Variants in ALAD observed in about 807,000 individuals in gnomAD.
ALAD encodes delta-aminolevulinic acid dehydratase.
A neutral mutation model predicts 44.4 loss-of-function variants in ALAD; 20 were observed. The ratio of observed to expected loss-of-function variants is 0.45; its 90% CI spans 0.32 to 0.65. The LOEUF is 0.65. ALAD is among the 30% of genes least tolerant of loss of function. The probability of loss-of-function intolerance (pLI) is 0.05; values close to 1 mark genes in which losing one functional copy is unlikely to be tolerated. For missense variants in ALAD, 323 were observed against 445.7 expected (o/e 0.72, Z 2.48); for synonymous variants, 156 against 167.9 (o/e 0.93, Z 0.55).
chr9:113,388,415 C>A, intron 11 of ALAD, 54 bp from the exon 12 acceptor site: 1 of 1,560,640 alleles, frequency 6.4e-7, no homozygotes, highest in Non-Finnish European at 8.8e-7. Flanking sequence ...CAGCTCTGAG[C>A]ACACCTTCTG....
chr9:113,393,728 C>G, intron 1 of ALAD, 94 bp from the exon 2 acceptor site: 1 of 620,622 alleles, frequency 1.6e-6, no homozygotes, highest in South Asian at 1.9e-5. Context: ...CCTGCCTCCC[C>G]TCTCTCTAGC....
intron 11 of ALAD, 37 bp downstream of exon 11, chr9:113,388,940 T>C (rs746681065): frequency 2.5e-5 from 41 of 1,613,518 alleles, no homozygotes; most frequent in Non-Finnish European, 3.5e-5. Flanking sequence ...TCAGTCCCTG[T>C]GGCGCAGGTC....
Position 113,393,604 on chromosome 9 carries a change from G to C in ALAD, c.-45C>G, listed in dbSNP as rs561148277. 1.6e-5 allele frequency: 24 copies of C among 1,504,878 alleles called. 1 individual carries two copies. In the South Asian group the frequency reaches 2.6e-4, roughly 16 times the overall value. The allele number at this position is 1,504,878 out of a possible 1,614,324, so 93.2% of individuals were successfully genotyped here. The stretch of plus-strand genomic sequence containing the variant: ...AGGGGCATCAGTTGGTTGGAACCGA[G>C]GGCTCCTGGGGCATTGGCTGCAGGC... On this transcript the variant is annotated 5_prime_UTR_variant, in exon 2 of 12. Transcript: ENST00000409155.
chr9:113,398,795 A>G (rs911169747), intron 1 of ALAD, among the ~76,000 whole-genome samples: 2 of 152,126 alleles, frequency 1.3e-5, no homozygotes, highest in African/African-American at 4.8e-5. Context: ...GAGTCATTCC[A>G]TTGTAAGAGG....
intron 1 of ALAD, among the ~76,000 whole-genome samples, 163 bp downstream of exon 1, chr9:113,401,049 A>T (rs1343202957): frequency 6.6e-6 from 1 of 152,158 alleles, no homozygotes. Flanking sequence ...GGGATAATCC[A>T]GCCCAAACAA....
intron 1 of ALAD, among the ~76,000 whole-genome samples, chr9:113,393,931 T>TA (rs904956627): frequency 1.3e-5 from 2 of 151,388 alleles, no homozygotes; most frequent in Non-Finnish European, 2.9e-5. Flanking sequence ...AATGACTGTT[T>TA]AAAAAAAATT....
At chr9:113,392,866 G>A (rs1254274120) in intron 2 of ALAD, among the ~76,000 whole-genome samples, 1 of 134,118 alleles carries the variant, frequency 7.5e-6, no homozygotes, top group African/African-American at 2.9e-5. Flanking sequence ...CGCCCAGGCT[G>A]GAGTGAAGTG....
chr9:113,395,936 G>A (rs1827714348), intron 1 of ALAD, among the ~76,000 whole-genome samples: 1 of 152,186 alleles, frequency 6.6e-6, no homozygotes, highest in Non-Finnish European at 1.5e-5. Flanking sequence ...GCTCACGCCT[G>A]TAATCCCAGC....
chr9:113,390,139 A>C, intron 7 of ALAD, among the ~76,000 whole-genome samples: 1 of 151,964 alleles, frequency 6.6e-6, no homozygotes, highest in African/African-American at 2.4e-5. Context: ...CTCCTGCCTC[A>C]GCCTCCCCAG....
At chr9:113,394,359 G>A (rs1198696912) in intron 1 of ALAD, among the ~76,000 whole-genome samples, 1 of 149,838 alleles carries the variant, frequency 6.7e-6, no homozygotes, top group Non-Finnish European at 1.5e-5. Context: ...GCAACATGGC[G>A]AGACCCTGTA....
In ALAD at chr9:113,389,031, C is replaced by A. The variant is rs373715261; in HGVS notation, c.877G>T (p.Ala293Ser). ...AMLWHGAQAGAFDLKAAVLEA... is the reference protein window; with the variant it reads ...AMLWHGAQAGSFDLKAAVLEA... ...AGTACGGCAGCCTTGAGATCAAATG[C>A]CCCGGCCTGGGCTCCATGCCACAGC... Residue 293 changes from alanine to serine, a missense_variant, in exon 11 of 12, where the codon GCA becomes TCA. Transcript: ENST00000409155. 2.7e-5 allele frequency: 44 copies of A among 1,613,778 alleles called. No homozygotes were observed. Among genetic ancestry groups the A allele is most frequent in the Non-Finnish European group, 3.6e-5 (42 of 1,180,050 alleles).
chr9:113,389,842 A>G lies in ALAD; in HGVS notation c.571-14T>C, dbSNP rs753231528. On this transcript the variant is annotated splice_polypyrimidine_tract_variant and intron_variant, in intron 7 of 11. Transcript: ENST00000409155. ...CATCACCGATACCTATGGGGAGACA[A>G]TGGAGGTCTTGGCTTATTCGGCCCT... 5.5e-5 allele frequency: 88 copies of G among 1,614,094 alleles called. No homozygotes were observed. Among genetic ancestry groups the G allele is most frequent in the Non-Finnish European group, 6.8e-5 (80 of 1,180,040 alleles).
Position 113,395,011 on chromosome 9 carries a change from C to T in ALAD, c.-75-1377G>A, listed in dbSNP as rs551285496. ...AGGAGGTTGCAGTAAGCCGAGATAG[C>T]GCCACTTCACTCCAGCCTGGGCGAC... On this transcript the variant is annotated intron_variant, in intron 1 of 11. Transcript: ENST00000409155. 8.6e-5 allele frequency among the ~76,000 whole-genome samples: 13 copies of T among 151,746 alleles called. No homozygotes were observed. In the South Asian group the frequency reaches 2.5e-3, roughly 29 times the overall value.
intron 2 of ALAD, chr9:113,392,665 C>T (rs1340141300): frequency 5.9e-6 from 1 of 168,620 alleles, no homozygotes; most frequent in Non-Finnish European, 1.3e-5. Flanking sequence ...CCTCATGGAG[C>T]TGATGTTCTA....
Position 113,388,991 on chromosome 9 carries a change from G to T in ALAD, c.917C>A (p.Ala306Asp). The T allele has an allele frequency of 6.2e-7, 1 of 1,613,872 alleles. No individual in the cohort carries two copies. Among genetic ancestry groups the T allele is most frequent in the Non-Finnish European group, 8.5e-7 (1 of 1,180,042 alleles). Reference sequence around the variant, plus strand: ...TGCCTGCCTACCTGCTCTGCGGAAGGCAGTCATGGCCTCCAGTACGGCAGC... The same window carrying T: ...TGCCTGCCTACCTGCTCTGCGGAAGTCAGTCATGGCCTCCAGTACGGCAGC... Reference protein sequence around the residue: ...LKAAVLEAMTAFRRAGADIII... With the variant: ...LKAAVLEAMTDFRRAGADIII... Residue 306 changes from alanine to aspartate, a missense_variant, in exon 11 of 12, where the codon GCC (alanine) becomes GAC (aspartate). By Grantham distance (126) the Ala-to-Asp change is moderately radical (BLOSUM62 -2). Coordinates refer to ENST00000409155, the MANE Select transcript of ALAD (RefSeq NM_000031.6).
intron 1 of ALAD, 126 bp from the exon 2 acceptor site, chr9:113,393,760 T>G (rs1201892997): frequency 5.5e-6 from 3 of 543,202 alleles, no homozygotes; most frequent in Non-Finnish European, 9.9e-6. Context: ...CACAGCATGG[T>G]TCACCAATCC....
In ALAD at chr9:113,387,715, T is replaced by G. The variant is rs1827437391; in HGVS notation, c.*585A>C. The G allele has an allele frequency of 6.1e-6, 1 of 163,614 alleles. No individual in the cohort carries two copies. The highest frequency in any genetic ancestry group is 2.4e-5 in the African/African-American group (1 of 41,638). The allele number at this position is 163,614 out of a possible 1,614,324, so 10.1% of individuals were successfully genotyped here. ...CTGAGTTTTGATCCTCAGGCAGTAT[T>G]TATGCTGGTTAATGAGTAATTCTTC... On this transcript the variant is annotated 3_prime_UTR_variant, in exon 12 of 12. Coordinates refer to ENST00000409155, the MANE Select transcript of ALAD (RefSeq NM_000031.6).
At position 113,389,706 on chromosome 9, in the gene ALAD, G is replaced by A; in HGVS notation, c.627-20C>T. Reference sequence around the variant, plus strand: ...GCATCCCTGCAAAGCAGAGTCATCAGGGTGGGCTCCAGCTTTGGGCCAAAG... The same window carrying A: ...GCATCCCTGCAAAGCAGAGTCATCAAGGTGGGCTCCAGCTTTGGGCCAAAG... On this transcript the variant is annotated intron_variant, in intron 8 of 11. Coordinates refer to ENST00000409155, the MANE Select transcript of ALAD (RefSeq NM_000031.6). 1.2e-6 allele frequency: 2 copies of A among 1,614,182 alleles called. No individual in the cohort carries two copies. The highest frequency in any genetic ancestry group is 1.7e-4 in the Middle Eastern group (1 of 6,060).
chr9:113,388,652 T>G (rs1043223741), intron 11 of ALAD, among the ~76,000 whole-genome samples: 1 of 152,200 alleles, frequency 6.6e-6, no homozygotes, highest in Non-Finnish European at 1.5e-5. Flanking sequence ...GTCCCCTTTA[T>G]GGAGTGATAT....
Sources: gnomAD v4.1 joint callset for allele counts (sites outside exome capture counted in the v4.1 genomes callset) on GRCh38, gnomAD v4.1.1 for gene constraint, MANE v1.5 for transcripts, NCBI Gene and HGNC (gene_info 2026-07-23, HGNC 2026-07-21) for gene names.